Variants in SV2B observed in about 807,000 individuals in gnomAD.
SV2B encodes the protein synaptic vesicle glycoprotein 2B, also known as solute carrier family 22 member B2.
In SV2B, 41 loss-of-function variants were observed where a neutral mutation model predicts 73.9. The ratio of observed to expected loss-of-function variants is 0.56; its 90% CI spans 0.43 to 0.72. The LOEUF (loss-of-function observed/expected upper bound fraction) is 0.72. Ranked by LOEUF, SV2B falls within the 30% of genes least tolerant of loss-of-function variation. The pLI, the probability that SV2B is intolerant of heterozygous loss-of-function variation, is 0.00. For missense variants in SV2B, 764 were observed against 857.8 expected, an observed-to-expected ratio of 0.89 and a Z score of 1.37; for synonymous variants, 314 against 314.2, an observed-to-expected ratio of 1.00 and a Z score of 0.01.
At chr15:91,154,976 G>A (rs190242154) in intron 1 of SV2B, among the ~76,000 whole-genome samples, 133 of 152,210 alleles carry the variant, frequency 8.7e-4, no homozygotes, top group African/African-American at 3.0e-3. Flanking sequence ...CTCAGTAAAC[G>A]AGTGGACTGA....
At chr15:91,157,546 C>T (rs2043532949) in intron 1 of SV2B, among the ~76,000 whole-genome samples, 1 of 152,186 alleles carries the variant, frequency 6.6e-6, no homozygotes, top group South Asian at 2.1e-4. Flanking sequence ...GCTTTTGCTG[C>T]TTACAATATG....
chr15:91,161,803 C>A (rs2043728916), intron 1 of SV2B, among the ~76,000 whole-genome samples: 1 of 152,212 alleles, frequency 6.6e-6, no homozygotes, highest in African/African-American at 2.4e-5. Context: ...TATTCAGTGT[C>A]TTCCACCACC....
intron 1 of SV2B, among the ~76,000 whole-genome samples, chr15:91,192,953 T>C (rs1321076894): frequency 6.6e-6 from 1 of 152,224 alleles, no homozygotes; most frequent in Non-Finnish European, 1.5e-5. Context: ...TTGCAGGCTG[T>C]GGCTGCTCTC....
In SV2B at chr15:91,251,950, G is replaced by C. The variant is rs776050433; in HGVS notation, c.583G>C (p.Val195Leu). Residue 195 changes from valine to leucine, a missense_variant, in exon 3 of 13, where the codon GTG becomes CTG. Physicochemically the swap from Val to Leu is conservative, Grantham distance 32. Transcript: ENST00000394232. Reference protein sequence around the residue: ...NASFASLSSFVQGYGAFLFCR... With the variant: ...NASFASLSSFLQGYGAFLFCR... ...CTCCTTCGCCTCCCTCTCTTCCTTC[G>C]TGCAGGGATATGGAGCCTTCCTCTT... 6.2e-7 allele frequency: 1 copy of C among 1,614,044 alleles called. No individual in the cohort carries two copies. Among genetic ancestry groups the C allele is most frequent in the African/African-American group, 1.3e-5 (1 of 74,994 alleles).
At position 91,288,510 on chromosome 15, in the gene SV2B, G is replaced by C. The variant is rs2048936330; in HGVS notation, c.1709-1011G>C. On this transcript the variant is annotated intron_variant, in intron 11 of 12. Coordinates refer to ENST00000394232, the MANE Select transcript of SV2B (RefSeq NM_001323032.3). The surrounding 1 kb of genome is among the most constrained non-coding windows in gnomAD (Gnocchi z 5.8). ...AGATCTCGAAAAGTGAGATGATGCA[G>C]ATGTTTCTGTGCCTGGTTTACCCCA... Among the ~76,000 whole-genome samples, 1 of 150,590 alleles carries C rather than the reference G, an allele frequency of 6.6e-6. No individual in the cohort carries two copies. Among genetic ancestry groups the C allele is most frequent in the South Asian group, 2.1e-4 (1 of 4,762 alleles).
chr15:91,252,089 C>A lies in SV2B; in HGVS notation c.632+90C>A. ...AGCTCCAAGAGGTAACTCTAGAAAC[C>A]CTTGGACTGACTGAGTTTTTGTTTG... On this transcript the variant is annotated intron_variant, in intron 3 of 12. Transcript: ENST00000394232. The surrounding 1 kb of genome is among the most constrained non-coding windows in gnomAD (Gnocchi z 4.6). 1 of 1,481,626 alleles carries A rather than the reference C, an allele frequency of 6.7e-7. No homozygotes were observed. The highest frequency in any genetic ancestry group is 1.3e-5 in the South Asian group (1 of 74,926). The allele number at this position is 1,481,626 out of a possible 1,614,324, so 91.8% of individuals were successfully genotyped here. A position where few individuals can be genotyped will look rare whatever the true frequency, so the allele number is the denominator to read the frequency against.
intron 1 of SV2B, among the ~76,000 whole-genome samples, chr15:91,225,574 T>C (rs947651223): frequency 3.3e-5 from 5 of 152,180 alleles, no homozygotes; most frequent in African/African-American, 1.2e-4. Context: ...AGGGTACATG[T>C]GCACAACGTG....
intron 1 of SV2B, among the ~76,000 whole-genome samples, chr15:91,193,939 A>G (rs1014458135): frequency 1.3e-5 from 2 of 152,130 alleles, no homozygotes; most frequent in African/African-American, 4.8e-5. Context: ...TTTGTAGGGC[A>G]AATGTGGAAA....
intron 1 of SV2B, among the ~76,000 whole-genome samples, chr15:91,131,953 A>C (rs1291365362): frequency 6.6e-6 from 1 of 152,018 alleles, no homozygotes; most frequent in Admixed American, 6.5e-5. Context: ...ATAGAGTGAG[A>C]CTCTGTCTCA....
intron 1 of SV2B, among the ~76,000 whole-genome samples, chr15:91,168,972 A>G (rs2044017273): frequency 6.6e-6 from 1 of 152,224 alleles, no homozygotes; most frequent in Non-Finnish European, 1.5e-5. Context: ...ATCTGCAGAG[A>G]GAACCTATAG....
chr15:91,178,392 G>T (rs8042335), intron 1 of SV2B, among the ~76,000 whole-genome samples: 54,182 of 146,736 alleles, frequency 0.37, 11,546 homozygotes, highest in African/African-American at 0.55. Context: ...CGTATCAGGA[G>T]GATGCTGGCC....
chr15:91,168,463 C>A (rs1321004158), intron 1 of SV2B, among the ~76,000 whole-genome samples: 1 of 152,054 alleles, frequency 6.6e-6, no homozygotes, highest in African/African-American at 2.4e-5. Flanking sequence ...TGGTTCATGC[C>A]TGGGACTTGC....
intron 1 of SV2B, among the ~76,000 whole-genome samples, chr15:91,208,040 C>T (rs1015097695): frequency 6.6e-6 from 1 of 152,126 alleles, no homozygotes; most frequent in Non-Finnish European, 1.5e-5. Flanking sequence ...TCAGAGAAGG[C>T]AGAGAGGCCT....
intron 1 of SV2B, among the ~76,000 whole-genome samples, chr15:91,162,558 A>T (rs2043760089): frequency 6.6e-6 from 1 of 152,178 alleles, no homozygotes; most frequent in African/African-American, 2.4e-5. Context: ...TGTAGCTCAG[A>T]CATCTGGCAT....
intron 1 of SV2B, among the ~76,000 whole-genome samples, chr15:91,200,673 CCAAGA>C (rs2045427640): frequency 6.6e-6 from 1 of 152,088 alleles, no homozygotes; most frequent in Non-Finnish European, 1.5e-5. Flanking sequence ...CTTTGGGAGG[CCAAGA>C]CAAGAGGTCC....
At chr15:91,279,457 T>A (rs1043832578) in intron 9 of SV2B, among the ~76,000 whole-genome samples, 2 of 152,258 alleles carry the variant, frequency 1.3e-5, no homozygotes, top group African/African-American at 4.8e-5. Flanking sequence ...TAACATTTCT[T>A]TCATCTTTTG....
At chr15:91,165,499 G>T (rs1286138322) in intron 1 of SV2B, among the ~76,000 whole-genome samples, 3 of 152,166 alleles carry the variant, frequency 2.0e-5, no homozygotes, top group Non-Finnish European at 4.4e-5. Flanking sequence ...ATGGCAGGCT[G>T]TGCATAGGTT....
intron 1 of SV2B, among the ~76,000 whole-genome samples, chr15:91,186,766 C>T (rs1393433371): frequency 6.6e-6 from 1 of 152,076 alleles, no homozygotes; most frequent in Non-Finnish European, 1.5e-5. Flanking sequence ...GTACAATGTA[C>T]ACTATTTGGG....
At chr15:91,180,544 T>G (rs1298308806) in intron 1 of SV2B, among the ~76,000 whole-genome samples, 1 of 152,188 alleles carries the variant, frequency 6.6e-6, no homozygotes, top group African/African-American at 2.4e-5. Context: ...CAGATGTAGA[T>G]TTGGTCTTTT....
Sources: gnomAD v4.1 joint callset for allele counts (sites outside exome capture counted in the v4.1 genomes callset) on GRCh38, gnomAD v4.1.1 for gene constraint, Gnocchi (gnomAD v3.1) non-coding constraint, MANE v1.5 for transcripts, NCBI Gene and HGNC (gene_info 2026-07-23, HGNC 2026-07-21) for gene names.